KIF6: variants seen among roughly 807,000 people sequenced by gnomAD.
KIF6 encodes the protein kinesin-like protein KIF6.
Under a neutral mutation model 112.7 loss-of-function variants are expected in KIF6, and 106 were observed. The observed-to-expected ratio is 0.94, with a 90% confidence interval of 0.80 to 1.11. The LOEUF is 1.11. Among genes scored for constraint, KIF6 ranks in the 50% least tolerant of loss-of-function variants. KIF6 has a pLI of 0.00. For synonymous variants in KIF6, 339 were observed against 339.9 expected (o/e 1.00, Z 0.03); for missense variants, 929 against 964.0 (o/e 0.96, Z 0.48).
intron 13 of KIF6, among the ~76,000 whole-genome samples, chr6:39,463,005 G>C (rs545784051): frequency 9.2e-5 from 14 of 152,138 alleles, no homozygotes; most frequent in Non-Finnish European, 2.1e-4. Context: ...ACGTCAAATA[G>C]AATGTCTTCA....
intron 21 of KIF6, 73 bp downstream of exon 21, chr6:39,345,627 G>C: frequency 7.9e-7 from 1 of 1,273,204 alleles, no homozygotes; most frequent in Non-Finnish European, 1.1e-6. Flanking sequence ...TTTTCGGGGA[G>C]TAGACTGGAG....
At chr6:39,572,659 C>CTTTTTT (rs35901482) in intron 10 of KIF6, among the ~76,000 whole-genome samples, 1 of 102,216 alleles carries the variant, frequency 9.8e-6, no homozygotes, top group African/African-American at 3.6e-5. Flanking sequence ...GATCTACAGG[C>CTTTTTT]TTTTTTTTTT....
chr6:39,530,299 C>T (rs1031367526), intron 13 of KIF6, among the ~76,000 whole-genome samples: 2 of 152,194 alleles, frequency 1.3e-5, no homozygotes, highest in African/African-American at 4.8e-5. Flanking sequence ...GTTGGTATCT[C>T]AAAGAGTTAA....
At chr6:39,524,080 T>C (rs1030447144) in intron 13 of KIF6, among the ~76,000 whole-genome samples, 1 of 151,804 alleles carries the variant, frequency 6.6e-6, no homozygotes, top group East Asian at 1.9e-4. Context: ...AAATACATGA[T>C]TGGCGAAAGA....
At chr6:39,695,267 T>C (rs928006549) in intron 3 of KIF6, among the ~76,000 whole-genome samples, 8 of 152,126 alleles carry the variant, frequency 5.3e-5, no homozygotes, top group African/African-American at 1.9e-4. Context: ...GCAAGGAATT[T>C]ATAACTTAAG....
intron 3 of KIF6, among the ~76,000 whole-genome samples, chr6:39,693,979 T>G (rs1788376795): frequency 6.6e-6 from 1 of 152,130 alleles, no homozygotes; most frequent in Non-Finnish European, 1.5e-5. Flanking sequence ...CATGATCAGT[T>G]GGATCTTATT....
At position 39,715,090 on chromosome 6, in the gene KIF6, A is replaced by T. The variant is rs114854392; in HGVS notation, c.177-324T>A. On this transcript the variant is annotated intron_variant, in intron 2 of 22. Transcript: ENST00000287152. The stretch of plus-strand genomic sequence containing the variant: ...GTGTCTACAATTGGCAAGAAATTCA[A>T]AACCAGATAGCTGCATGAAATGGAA... The T allele has an allele frequency of 8.2e-3, 1,606 of 195,464 alleles. 21 individuals are homozygous for T. The highest frequency in any genetic ancestry group is 0.035 in the African/African-American group (1,512 of 42,970). The allele number at this position is 195,464 out of a possible 1,614,324, so 12.1% of individuals were successfully genotyped here. A position where few individuals can be genotyped will look rare whatever the true frequency, so the allele number is the denominator to read the frequency against.
At chr6:39,631,949 T>C (rs1432352862) in intron 5 of KIF6, among the ~76,000 whole-genome samples, 1 of 152,166 alleles carries the variant, frequency 6.6e-6, no homozygotes, top group Non-Finnish European at 1.5e-5. Flanking sequence ...ATAATAGTTA[T>C]TGAAGTATTC....
chr6:39,369,236 G>A (rs1407974360), intron 16 of KIF6, among the ~76,000 whole-genome samples: 3 of 152,108 alleles, frequency 2.0e-5, no homozygotes, highest in South Asian at 2.1e-4. Context: ...ACATGCCGAC[G>A]GGTGCTCAGT....
At chr6:39,412,626 T>C (rs967594840) in intron 15 of KIF6, among the ~76,000 whole-genome samples, 7 of 152,230 alleles carry the variant, frequency 4.6e-5, no homozygotes, top group African/African-American at 9.6e-5. Context: ...TTATCTCATA[T>C]GCAATTGGTT....
At chr6:39,682,296 G>A (rs1055633522) in intron 3 of KIF6, among the ~76,000 whole-genome samples, 2 of 152,126 alleles carry the variant, frequency 1.3e-5, no homozygotes, top group Non-Finnish European at 2.9e-5. Flanking sequence ...TTTAGCCTAC[G>A]ACACACCCAG....
At chr6:39,437,177 G>A (rs1771586843) in intron 13 of KIF6, among the ~76,000 whole-genome samples, 1 of 152,092 alleles carries the variant, frequency 6.6e-6, no homozygotes, top group Non-Finnish European at 1.5e-5. Flanking sequence ...CTTGGTCCTT[G>A]TTGATGTAAG....
chr6:39,642,684 A>T (rs1213098407), intron 3 of KIF6, among the ~76,000 whole-genome samples: 1 of 152,156 alleles, frequency 6.6e-6, no homozygotes, highest in Non-Finnish European at 1.5e-5. Flanking sequence ...AGTGAAGTAA[A>T]CAAGAACGTA....
At chr6:39,412,661 T>A (rs1769569785) in intron 15 of KIF6, among the ~76,000 whole-genome samples, 1 of 152,224 alleles carries the variant, frequency 6.6e-6, no homozygotes, top group Admixed American at 6.5e-5. Flanking sequence ...GTCAGTGTAA[T>A]ACATAGTCTT....
rs759494584 is a variant in KIF6, at chr6:39,429,710, C to A, written c.1754+1343G>T. Among the ~76,000 whole-genome samples, 12 of 152,262 alleles carry A rather than the reference C, an allele frequency of 7.9e-5. No homozygotes were observed. In the South Asian group the frequency reaches 1.0e-3, roughly 13 times the overall value. On this transcript the variant is annotated intron_variant, in intron 14 of 22. Coordinates refer to ENST00000287152, the MANE Select transcript of KIF6 (RefSeq NM_145027.6). ...GGAACACGAGGTCAGCAGATGAGACCATCGTGGCTAACACAGTGAAACCCC... is the reference window on the plus strand; with the variant it reads ...GGAACACGAGGTCAGCAGATGAGACAATCGTGGCTAACACAGTGAAACCCC...
intron 18 of KIF6, 26 bp from the exon 19 acceptor site, chr6:39,357,400 A>G (rs767589890): frequency 7.0e-7 from 1 of 1,428,478 alleles, no homozygotes; most frequent in South Asian, 1.2e-5. Context: ...GGAGTTTCAC[A>G]GTGTTAGCTT....
chr6:39,590,627 T>G (rs1363979768), intron 7 of KIF6, among the ~76,000 whole-genome samples: 2 of 151,798 alleles, frequency 1.3e-5, no homozygotes, highest in East Asian at 3.9e-4. Flanking sequence ...AATTTTGTAT[T>G]TTTAGTAGAG....
In KIF6 at chr6:39,560,486, C is replaced by T. The variant is rs912098373; in HGVS notation, c.1182-14798G>A. Among the ~76,000 whole-genome samples, 9 of 152,180 alleles carry T rather than the reference C, an allele frequency of 5.9e-5. No individual in the cohort carries two copies. The South Asian group carries it at 6.2e-4, about 11-fold the overall frequency. On this transcript the variant is annotated intron_variant, in intron 10 of 22. Transcript: ENST00000287152. ...CTTTAAAATAAGGAAGCCACACTTA[C>T]GGCTTTGCTCATATTGATTCCTCTA... is the stretch of plus-strand genomic sequence containing the variant.
chr6:39,648,919 A>C (rs1785317634), intron 3 of KIF6, among the ~76,000 whole-genome samples: 1 of 151,830 alleles, frequency 6.6e-6, no homozygotes, highest in African/African-American at 2.4e-5. Flanking sequence ...CTGTAATCCT[A>C]GCACAGGAGG....
Sources: allele counts gnomAD v4.1 joint callset (sites outside exome capture counted in the v4.1 genomes callset), GRCh38; gene constraint gnomAD v4.1.1; transcripts MANE v1.5; gene names NCBI Gene and HGNC (gene_info 2026-07-23, HGNC 2026-07-21).